The following GNAI1 variants were observed in gnomAD, a reference collection of about 807,000 sequenced individuals.
The protein encoded by GNAI1 is guanine nucleotide-binding protein G(i) subunit alpha-1.
Under a neutral mutation model 38.9 loss-of-function variants are expected in GNAI1, and 11 were observed. The observed-to-expected ratio is 0.28, with a 90% confidence interval of 0.18 to 0.47. The LOEUF (loss-of-function observed/expected upper bound fraction) is 0.47. Ranked by LOEUF, GNAI1 falls within the 20% of genes least tolerant of loss-of-function variation. GNAI1 has a pLI of 0.99. For synonymous variants in GNAI1, 166 were observed against 145.1 expected, an observed-to-expected ratio of 1.14 and a Z score of -1.04; for missense variants, 317 against 436.9, an observed-to-expected ratio of 0.73 and a Z score of 2.45.
chr7:80,179,836 G>A (rs186780185), intron 1 of GNAI1, among the ~76,000 whole-genome samples: 2 of 152,264 alleles, frequency 1.3e-5, no homozygotes, highest in Non-Finnish European at 2.9e-5. Context: ...TTATAGTAGA[G>A]GAACCCTGAC....
chr7:80,186,521 C>G (rs1006189543), intron 1 of GNAI1, among the ~76,000 whole-genome samples: 6 of 152,062 alleles, frequency 3.9e-5, no homozygotes, highest in Non-Finnish European at 5.9e-5. Flanking sequence ...TAAACATTCT[C>G]ATTTGTACAT....
At chr7:80,145,050 T>A (rs1562822177) in intron 1 of GNAI1, among the ~76,000 whole-genome samples, 1 of 152,162 alleles carries the variant, frequency 6.6e-6, no homozygotes, top group Non-Finnish European at 1.5e-5. Context: ...TCCAGCACCT[T>A]TTTCCATCCA....
At chr7:80,181,441 CTG>C (rs1788291809) in intron 1 of GNAI1, among the ~76,000 whole-genome samples, 1 of 152,170 alleles carries the variant, frequency 6.6e-6, no homozygotes, top group African/African-American at 2.4e-5. Flanking sequence ...AATAAAAACA[CTG>C]TATTAAAATG....
At chr7:80,159,283 A>G (rs1387391398) in intron 1 of GNAI1, among the ~76,000 whole-genome samples, 1 of 152,120 alleles carries the variant, frequency 6.6e-6, no homozygotes, top group African/African-American at 2.4e-5. Context: ...GGGCTAAGTG[A>G]CACCATACTC....
intron 1 of GNAI1, among the ~76,000 whole-genome samples, chr7:80,152,358 A>G (rs1024448908): frequency 2.6e-5 from 4 of 152,200 alleles, no homozygotes; most frequent in Admixed American, 2.0e-4. Context: ...TTAATGAACA[A>G]TTATATCTTA....
intron 4 of GNAI1, among the ~76,000 whole-genome samples, chr7:80,200,539 C>T (rs539096207): frequency 6.6e-6 from 1 of 152,056 alleles, no homozygotes; most frequent in African/African-American, 2.4e-5. Context: ...GTTAGGGACA[C>T]AAGGATTAGA....
chr7:80,165,884 C>T (rs1396400091), intron 1 of GNAI1, among the ~76,000 whole-genome samples: 1 of 152,028 alleles, frequency 6.6e-6, no homozygotes, highest in Non-Finnish European at 1.5e-5. Flanking sequence ...ACAATATTAT[C>T]TCGTTTGATC....
chr7:80,172,044 T>C (rs1788106048), intron 1 of GNAI1, among the ~76,000 whole-genome samples: 1 of 152,234 alleles, frequency 6.6e-6, no homozygotes, highest in South Asian at 2.1e-4. Context: ...TCAGCCTTTC[T>C]GTAATCTTTT....
chr7:80,202,028 T>C (rs1198661973), intron 4 of GNAI1, among the ~76,000 whole-genome samples: 2 of 152,202 alleles, frequency 1.3e-5, no homozygotes, highest in Admixed American at 6.5e-5. Flanking sequence ...CTTCTTTGTC[T>C]TATTGAAATA....
At chr7:80,159,424 A>G (rs1787879484) in intron 1 of GNAI1, among the ~76,000 whole-genome samples, 1 of 151,862 alleles carries the variant, frequency 6.6e-6, no homozygotes, top group African/African-American at 2.4e-5. Context: ...TTCAGTCAGT[A>G]CTCTTGTTGG....
intron 5 of GNAI1, among the ~76,000 whole-genome samples, chr7:80,208,028 C>T (rs1291134376): frequency 6.6e-6 from 1 of 152,036 alleles, no homozygotes; most frequent in Non-Finnish European, 1.5e-5. Context: ...GGGAATGCAA[C>T]ATCCAGTTTA....
chr7:80,173,793 T>C (rs1163164135), intron 1 of GNAI1, among the ~76,000 whole-genome samples: 1 of 152,182 alleles, frequency 6.6e-6, no homozygotes, highest in Non-Finnish European at 1.5e-5. Flanking sequence ...TCCCTCTAAG[T>C]GCAGTCCTCA....
intron 5 of GNAI1, among the ~76,000 whole-genome samples, chr7:80,206,928 T>C (rs1788786837): frequency 6.6e-6 from 1 of 152,028 alleles, no homozygotes; most frequent in Admixed American, 6.6e-5. Flanking sequence ...CTGTAATATT[T>C]TTGGACCTTG....
At chr7:80,199,471 G>T in intron 4 of GNAI1, 89 bp downstream of exon 4, 1 of 961,828 alleles carries the variant, frequency 1.0e-6, no homozygotes, top group Non-Finnish European at 1.6e-6. Context: ...TGCAGAATTG[G>T]CTGACACATT....
chr7:80,160,031 C>G (rs1279329145), intron 1 of GNAI1, among the ~76,000 whole-genome samples: 1 of 152,114 alleles, frequency 6.6e-6, no homozygotes, highest in Non-Finnish European at 1.5e-5. Flanking sequence ...ATAAAGGAAT[C>G]CCTCCTGTTA....
At chr7:80,211,465 T>C (rs964102828) in intron 6 of GNAI1, among the ~76,000 whole-genome samples, 1 of 150,726 alleles carries the variant, frequency 6.6e-6, no homozygotes, top group Admixed American at 6.7e-5. Context: ...GTTGCCAGAC[T>C]GGAGTGCAGT....
At chr7:80,188,903 TAA>T (rs1788432891) in intron 1 of GNAI1, 46 bp from the exon 2 acceptor site, 1 of 1,196,694 alleles carries the variant, frequency 8.4e-7, no homozygotes. Context: ...TGAATATACT[TAA>T]GTGATTATGA....
At chr7:80,204,364 G>A (rs1011569003) in intron 5 of GNAI1, among the ~76,000 whole-genome samples, 4 of 152,028 alleles carry the variant, frequency 2.6e-5, no homozygotes, top group African/African-American at 9.7e-5. Context: ...ACTTACTGAG[G>A]TCGGAGCAGA....
At chr7:80,199,122 G>A in intron 3 of GNAI1, 103 bp from the exon 4 acceptor site, 1 of 805,444 alleles carries the variant, frequency 1.2e-6, no homozygotes, top group Non-Finnish European at 1.9e-6. Flanking sequence ...AACAAAGGAA[G>A]TTCGCTATTG....
Sources: gnomAD v4.1 joint callset for allele counts (sites outside exome capture counted in the v4.1 genomes callset) on GRCh38, gnomAD v4.1.1 for gene constraint, MANE v1.5 for transcripts, NCBI Gene and HGNC (gene_info 2026-07-23, HGNC 2026-07-21) for gene names.